The following RABGAP1L variants were observed in gnomAD, a reference collection of about 807,000 sequenced individuals.
RABGAP1L encodes rab GTPase-activating protein 1-like.
A neutral mutation model predicts 137.7 loss-of-function variants in RABGAP1L; 63 were observed. That is an observed-to-expected ratio of 0.46 (90% CI 0.37 to 0.56). The LOEUF (loss-of-function observed/expected upper bound fraction) is 0.56, where lower values mean the gene tolerates loss of function less well. RABGAP1L is among the 20% of genes least tolerant of loss of function. The pLI is 0.00. For synonymous variants in RABGAP1L, 431 were observed against 433.7 expected (o/e 0.99, Z 0.08); for missense variants, 1,095 against 1,244.0 (o/e 0.88, Z 1.80).
At chr1:174,415,819 C>T (rs1311237094) in intron 13 of RABGAP1L, among the ~76,000 whole-genome samples, 1 of 151,796 alleles carries the variant, frequency 6.6e-6, no homozygotes, top group Non-Finnish European at 1.5e-5. Context: ...GACCTCAGAT[C>T]TTATTTTCAA....
chr1:174,624,260 G>T (rs912003915), intron 13 of RABGAP1L, among the ~76,000 whole-genome samples: 9 of 152,140 alleles, frequency 5.9e-5, no homozygotes, highest in Admixed American at 4.6e-4. Flanking sequence ...CCTGTGGAAG[G>T]CCACTTTCAC....
At chr1:174,958,956 G>C (rs1668852697) in intron 20 of RABGAP1L, among the ~76,000 whole-genome samples, 1 of 152,192 alleles carries the variant, frequency 6.6e-6, no homozygotes, top group Admixed American at 6.5e-5. Context: ...TCAATAAATG[G>C]CTGTTATTTT....
At chr1:174,411,443 G>A (rs1246495101) in intron 13 of RABGAP1L, among the ~76,000 whole-genome samples, 1 of 152,050 alleles carries the variant, frequency 6.6e-6, no homozygotes, top group East Asian at 1.9e-4. Context: ...TATCATGAAG[G>A]GATGTTGGAT....
chr1:174,928,062 T>C (rs966880866), intron 19 of RABGAP1L, among the ~76,000 whole-genome samples: 4 of 152,242 alleles, frequency 2.6e-5, no homozygotes, highest in African/African-American at 9.6e-5. Context: ...CTGTGCCCTA[T>C]AAGGCCCTTC....
chr1:174,412,108 T>A (rs189664874), intron 13 of RABGAP1L, among the ~76,000 whole-genome samples: 2 of 152,244 alleles, frequency 1.3e-5, no homozygotes, highest in Admixed American at 6.5e-5. Flanking sequence ...ACTGTGTGGC[T>A]AAGTCTTTTC....
chr1:174,506,332 T>C (rs1661811580), intron 13 of RABGAP1L, among the ~76,000 whole-genome samples: 1 of 152,202 alleles, frequency 6.6e-6, no homozygotes. Context: ...CAGAGATAAA[T>C]AGTCAGAAAG....
chr1:174,658,939 T>G (rs896197202), intron 14 of RABGAP1L, among the ~76,000 whole-genome samples: 5 of 152,182 alleles, frequency 3.3e-5, no homozygotes, highest in Non-Finnish European at 7.3e-5. Context: ...GATTTTTGTT[T>G]TAGGCACCTG....
At chr1:174,669,734 C>A (rs1052940200) in intron 14 of RABGAP1L, among the ~76,000 whole-genome samples, 12 of 152,194 alleles carry the variant, frequency 7.9e-5, no homozygotes, top group African/African-American at 2.7e-4. Context: ...ATTGAAGAGA[C>A]TGTTCTTTCC....
At chr1:174,188,477 G>A (rs1157291930) in intron 1 of RABGAP1L, among the ~76,000 whole-genome samples, 1 of 152,154 alleles carries the variant, frequency 6.6e-6, no homozygotes, top group East Asian at 1.9e-4. Flanking sequence ...AATGTGATAC[G>A]ATAAATGCTA....
chr1:174,219,020 T>A (rs1262802548), intron 1 of RABGAP1L, 105 bp from the exon 2 acceptor site: 15 of 875,550 alleles, frequency 1.7e-5, no homozygotes, highest in Non-Finnish European at 2.2e-5. Context: ...CCAGCAGGAT[T>A]CTTCTTCACA....
intron 13 of RABGAP1L, among the ~76,000 whole-genome samples, chr1:174,445,689 T>A (rs1654667612): frequency 6.6e-6 from 1 of 152,186 alleles, no homozygotes; most frequent in South Asian, 2.1e-4. Flanking sequence ...ACTTGGCAAA[T>A]TTTTAATAAT....
chr1:174,377,765 T>C (rs1442876898), intron 12 of RABGAP1L, among the ~76,000 whole-genome samples: 4 of 137,752 alleles, frequency 2.9e-5, no homozygotes, highest in Non-Finnish European at 1.6e-5. Context: ...AACTCTTTTT[T>C]TTTTTTTTAA....
At chr1:174,660,523 A>C (rs958021074) in intron 14 of RABGAP1L, among the ~76,000 whole-genome samples, 1 of 152,158 alleles carries the variant, frequency 6.6e-6, no homozygotes, top group African/African-American at 2.4e-5. Flanking sequence ...GGTCTAAACT[A>C]ACATATCTCC....
chr1:174,253,348 A>G (rs1672870339), intron 7 of RABGAP1L, among the ~76,000 whole-genome samples: 1 of 152,194 alleles, frequency 6.6e-6, no homozygotes, highest in African/African-American at 2.4e-5. Context: ...CATACTGTTA[A>G]TGGAAATGTA....
At chr1:174,899,136 G>T (rs1269271668) in intron 19 of RABGAP1L, among the ~76,000 whole-genome samples, 1 of 152,064 alleles carries the variant, frequency 6.6e-6, no homozygotes, top group Non-Finnish European at 1.5e-5. Flanking sequence ...AGGAAGAGGA[G>T]AAATATATTC....
intron 10 of RABGAP1L, among the ~76,000 whole-genome samples, chr1:174,302,610 C>T (rs1034079191): frequency 6.6e-6 from 1 of 152,148 alleles, no homozygotes; most frequent in Non-Finnish European, 1.5e-5. Flanking sequence ...GAGGCTTGCC[C>T]ATAAGAAAAG....
intron 19 of RABGAP1L, among the ~76,000 whole-genome samples, chr1:174,896,548 T>G (rs1657212767): frequency 6.6e-6 from 1 of 152,260 alleles, no homozygotes; most frequent in African/African-American, 2.4e-5. Flanking sequence ...GCCTAGGTTT[T>G]CTTCTAGGGT....
intron 1 of RABGAP1L, among the ~76,000 whole-genome samples, chr1:174,185,671 A>G (rs901406113): frequency 6.6e-6 from 1 of 152,216 alleles, no homozygotes; most frequent in Non-Finnish European, 1.5e-5. Context: ...ATAATACCAC[A>G]TAACTTAATT....
At chr1:174,647,746 C>T (rs1050632677) in intron 14 of RABGAP1L, among the ~76,000 whole-genome samples, 1 of 152,056 alleles carries the variant, frequency 6.6e-6, no homozygotes, top group Non-Finnish European at 1.5e-5. Context: ...AGGAGTCCCT[C>T]TTTTTCTATT....
Sources: allele counts gnomAD v4.1 joint callset (sites outside exome capture counted in the v4.1 genomes callset), GRCh38; gene constraint gnomAD v4.1.1; transcripts MANE v1.5; gene names NCBI Gene and HGNC (gene_info 2026-07-23, HGNC 2026-07-21).